The following USP34 variants were observed in gnomAD, a reference collection of about 807,000 sequenced individuals.
USP34 encodes the protein ubiquitin specific peptidase 34.
A neutral mutation model predicts 460.3 loss-of-function variants in USP34; 70 were observed. The observed-to-expected ratio is 0.15, with a 90% CI of 0.13 to 0.19. The LOEUF is 0.19. Ranked by LOEUF, USP34 falls within the 10% of genes least tolerant of loss-of-function variation. USP34 has a pLI of 1.00. For missense variants in USP34, 3,985 were observed against 4,236.2 expected, an observed-to-expected ratio of 0.94 and a Z score of 1.65; for synonymous variants, 1,647 against 1,405.3, an observed-to-expected ratio of 1.17 and a Z score of -3.85.
intron 48 of USP34, 96 bp downstream of exon 48, chr2:61,256,288 C>T: frequency 1.8e-6 from 2 of 1,123,026 alleles, no homozygotes; most frequent in Non-Finnish European, 2.6e-6. Flanking sequence ...TTACCTTCAT[C>T]ATATAATTTC....
intron 27 of USP34, among the ~76,000 whole-genome samples, chr2:61,306,889 T>C (rs763697858): frequency 6.6e-6 from 1 of 152,114 alleles, no homozygotes; most frequent in Non-Finnish European, 1.5e-5. Context: ...AGTTCAACCA[T>C]TGTGGAAGAC....
chr2:61,411,149 C>A (rs1201829574), intron 2 of USP34, among the ~76,000 whole-genome samples: 1 of 152,032 alleles, frequency 6.6e-6, no homozygotes, highest in Non-Finnish European at 1.5e-5. Context: ...CTTTGGGGGG[C>A]AGAGGCAGGA....
rs1293222636 is a variant in USP34 at position 61,229,679 on chromosome 2, A to G, written c.7114-46T>C. 4 of 1,514,468 alleles carry G rather than the reference A, an allele frequency of 2.6e-6. No individual in the cohort carries two copies. The African/African-American group carries it at 4.2e-5, about 16-fold the overall frequency. 93.8% of individuals were successfully genotyped at this position (1,514,468 alleles called of 1,614,324 possible). ...CAAACAAGAGCCAACTCATCAGGTA[A>G]CAAAGATTTGAAAAATTAACATGAT... On this transcript the variant is annotated intron_variant, in intron 58 of 79. Coordinates refer to ENST00000398571, the MANE Select transcript of USP34 (RefSeq NM_014709.4).
intron 1 of USP34, among the ~76,000 whole-genome samples, chr2:61,435,697 A>G (rs1212571718): frequency 6.6e-6 from 1 of 152,188 alleles, no homozygotes; most frequent in Non-Finnish European, 1.5e-5. Context: ...CCTATCAATA[A>G]TACCTTGAGC....
chr2:61,220,199 AG>A, intron 67 of USP34, 110 bp downstream of exon 67: 1 of 701,448 alleles, frequency 1.4e-6, no homozygotes, highest in Non-Finnish European at 2.1e-6. Flanking sequence ...AACATCTCCA[AG>A]AATTTCGTAG....
chr2:61,452,165 C>T (rs1255391303), intron 1 of USP34, among the ~76,000 whole-genome samples: 2 of 147,370 alleles, frequency 1.4e-5, no homozygotes, highest in Admixed American at 6.8e-5. Context: ...CAGAGCGAGA[C>T]TCCGTCTCAA....
chr2:61,336,928 C>G (rs1421675753), intron 18 of USP34, among the ~76,000 whole-genome samples: 1 of 151,928 alleles, frequency 6.6e-6, no homozygotes, highest in Non-Finnish European at 1.5e-5. Flanking sequence ...AACGGTTAGG[C>G]CTGCAATTAT....
At chr2:61,440,662 C>A (rs917288386) in intron 1 of USP34, among the ~76,000 whole-genome samples, 4 of 151,560 alleles carry the variant, frequency 2.6e-5, no homozygotes, top group Non-Finnish European at 5.9e-5. Flanking sequence ...GGATTAAAGG[C>A]GCCCACCACC....
intron 3 of USP34, among the ~76,000 whole-genome samples, 155 bp downstream of exon 3, chr2:61,405,553 C>T (rs574425019): frequency 6.6e-6 from 1 of 152,334 alleles, no homozygotes; most frequent in Non-Finnish European, 1.5e-5. Context: ...TCAGCACAAA[C>T]TGCTGAAGAA....
chr2:61,398,309 A>C (rs751026728), intron 3 of USP34, among the ~76,000 whole-genome samples: 1 of 151,842 alleles, frequency 6.6e-6, no homozygotes, highest in Non-Finnish European at 1.5e-5. Flanking sequence ...CTAGGCTGCA[A>C]TGAGCCATGT....
intron 53 of USP34, among the ~76,000 whole-genome samples, chr2:61,238,330 G>C (rs1444780442): frequency 1.3e-5 from 2 of 152,072 alleles, no homozygotes; most frequent in East Asian, 1.9e-4. Flanking sequence ...TAGGCAATTT[G>C]TACATAATGT....
chr2:61,301,270 G>A, intron 28 of USP34, 84 bp downstream of exon 28: 1 of 1,514,984 alleles, frequency 6.6e-7, no homozygotes, highest in Non-Finnish European at 9.0e-7. Context: ...AGCAATAAGA[G>A]CTGTTTTTAA....
chr2:61,440,924 G>A (rs1156236935), intron 1 of USP34, among the ~76,000 whole-genome samples: 1 of 151,520 alleles, frequency 6.6e-6, no homozygotes, highest in Non-Finnish European at 1.5e-5. Context: ...TCAGGAGATC[G>A]AGACCATCCT....
intron 23 of USP34, among the ~76,000 whole-genome samples, chr2:61,316,098 C>T (rs1690736783): frequency 1.3e-5 from 2 of 150,824 alleles, no homozygotes; most frequent in Admixed American, 6.6e-5. Flanking sequence ...CCCAGCTACT[C>T]GGGAGGTTGA....
At chr2:61,234,048 G>T (rs6545848) in intron 57 of USP34, among the ~76,000 whole-genome samples, 55,369 of 151,900 alleles carry the variant, frequency 0.36, 10,067 homozygotes, top group African/African-American at 0.38. Context: ...AAACAAGAAA[G>T]AAAGATTATT....
intron 69 of USP34, among the ~76,000 whole-genome samples, chr2:61,210,338 T>C (rs1252108859): frequency 6.6e-6 from 1 of 152,210 alleles, no homozygotes. Flanking sequence ...TTTCTATGTT[T>C]AAATACGTTT....
intron 25 of USP34, among the ~76,000 whole-genome samples, chr2:61,314,235 G>A (rs1255023180): frequency 6.6e-6 from 1 of 151,462 alleles, no homozygotes; most frequent in Non-Finnish European, 1.5e-5. Context: ...GATGTTCTTG[G>A]TAAGAGTTTT....
Position 61,275,983 on chromosome 2 carries a change from A to G in USP34, c.5433+2182T>C, listed in dbSNP as rs111933680. Among the ~76,000 whole-genome samples the G allele has an allele frequency of 6.8e-3, 1,029 of 152,368 alleles. 16 individuals are homozygous for G. Among genetic ancestry groups the G allele is most frequent in the African/African-American group, 0.023 (945 of 41,590 alleles). On this transcript the variant is annotated intron_variant, in intron 41 of 79. Coordinates refer to ENST00000398571, the MANE Select transcript of USP34 (RefSeq NM_014709.4). ...AATACATGCAGCAAATATGATATAA[A>G]GAGCTGACATATTCAAAATAAATAA... is the stretch of plus-strand genomic sequence containing the variant.
chr2:61,217,816 A>T (rs1458746583), intron 67 of USP34, among the ~76,000 whole-genome samples: 1 of 151,988 alleles, frequency 6.6e-6, no homozygotes, highest in East Asian at 1.9e-4. Context: ...TTAGCCAGGC[A>T]TGGTGGTGGG....
Sources: allele counts gnomAD v4.1 joint callset (sites outside exome capture counted in the v4.1 genomes callset), GRCh38; gene constraint gnomAD v4.1.1; transcripts MANE v1.5; gene names NCBI Gene and HGNC (gene_info 2026-07-23, HGNC 2026-07-21).